Variants in PDE4B observed in about 807,000 individuals in gnomAD.
PDE4B encodes the protein phosphodiesterase 4B, also known as 3',5'-cyclic-AMP phosphodiesterase 4B.
Under a neutral mutation model 82.2 loss-of-function variants are expected in PDE4B, and 20 were observed. The observed-to-expected ratio is 0.24, with a 90% CI of 0.17 to 0.35. PDE4B has a LOEUF of 0.35. PDE4B is among the 10% of genes least tolerant of loss of function. PDE4B has a pLI of 1.00. For missense variants in PDE4B, 655 were observed against 907.2 expected (o/e 0.72, Z 3.57); for synonymous variants, 320 against 318.9 (o/e 1.00, Z -0.04).
At chr1:66,077,511 T>G (rs996641480) in intron 3 of PDE4B, among the ~76,000 whole-genome samples, 2 of 152,292 alleles carry the variant, frequency 1.3e-5, no homozygotes, top group African/African-American at 4.8e-5. Context: ...ACGTTTTACT[T>G]ACATTTATGA....
intron 3 of PDE4B, among the ~76,000 whole-genome samples, chr1:66,115,218 C>T (rs577080251): frequency 3.9e-5 from 6 of 152,138 alleles, no homozygotes; most frequent in Non-Finnish European, 8.8e-5. Flanking sequence ...CATTAATTTA[C>T]CTCAGAGCAA....
chr1:66,288,088 A>G (rs911833618), intron 7 of PDE4B, among the ~76,000 whole-genome samples: 2 of 152,090 alleles, frequency 1.3e-5, no homozygotes, highest in African/African-American at 4.8e-5. Context: ...GTTCTGTATG[A>G]TGGCCTACAG....
rs200925983 is a variant in PDE4B, at chr1:66,090,616, A to ATGTGTGTGT, written c.282-156844_282-156843insTGTGTGTGT. Among the ~76,000 whole-genome samples the ATGTGTGTGT allele has an allele frequency of 4.8e-4, 43 of 89,918 alleles. 1 individual carries two copies. The highest frequency in any genetic ancestry group is 1.2e-3 in the African/African-American group (26 of 21,924). 59.0% of individuals were successfully genotyped at this position (89,918 alleles called of 152,430 possible). A position where few individuals can be genotyped will look rare whatever the true frequency, so the allele number is the denominator to read the frequency against. On this transcript the variant is annotated intron_variant, in intron 3 of 16. Transcript: ENST00000341517. ...CAAAATTATATATATATATGTATAT[A>ATGTGTGTGT]ATATATGTGTGTGTGTGTGTGTGTA...
At chr1:65,875,963 T>G (rs917365531) in intron 1 of PDE4B, among the ~76,000 whole-genome samples, 2 of 150,664 alleles carry the variant, frequency 1.3e-5, no homozygotes, top group East Asian at 1.9e-4. Context: ...AAAAAAAAAA[T>G]GGGGAAAAAA....
chr1:66,358,691 A>C (rs185012908), intron 9 of PDE4B, among the ~76,000 whole-genome samples: 3,569 of 151,806 alleles, frequency 0.024, 141 homozygotes, highest in African/African-American at 0.075. Context: ...AAAAAAAAAA[A>C]AGTATTAACA....
intron 3 of PDE4B, among the ~76,000 whole-genome samples, chr1:65,991,345 T>C (rs1350207924): frequency 6.6e-6 from 1 of 152,086 alleles, no homozygotes; most frequent in Non-Finnish European, 1.5e-5. Context: ...CCTCCCAAAG[T>C]GTTGGGATTA....
intron 3 of PDE4B, among the ~76,000 whole-genome samples, chr1:66,164,978 G>T (rs1646700376): frequency 6.6e-6 from 1 of 151,658 alleles, no homozygotes; most frequent in South Asian, 2.1e-4. Context: ...AGCCAGGATG[G>T]TCTCGATCTC....
At position 65,913,975 on chromosome 1, in the gene PDE4B, A is replaced by C. The variant is rs540761886; in HGVS notation, c.42+619A>C. Among the ~76,000 whole-genome samples, 8 of 152,284 alleles carry C rather than the reference A, an allele frequency of 5.3e-5. 1 individual carries two copies. In the South Asian group the frequency reaches 1.7e-3, roughly 32 times the overall value. On this transcript the variant is annotated intron_variant, in intron 2 of 16. Transcript: ENST00000341517. ...ATCTAAATCATCTGAAGAAATCTGT[A>C]AACTATCTTCTATAGCTTTGGATCT...
At position 65,890,846 on chromosome 1, in the gene PDE4B, G is replaced by C. The variant is rs147034153; in HGVS notation, c.-70-22399G>C. On this transcript the variant is annotated intron_variant, in intron 1 of 16. Transcript: ENST00000341517. ...ACATATACACACACATACACACACA[G>C]ACACAACTGCAGAATGAACAACAAA... 9.7e-4 allele frequency among the ~76,000 whole-genome samples: 147 copies of C among 151,960 alleles called. 1 individual carries two copies. The highest frequency in any genetic ancestry group is 2.8e-3 in the African/African-American group (117 of 41,494).
At chr1:66,260,309 G>A (rs1030086813) in intron 6 of PDE4B, among the ~76,000 whole-genome samples, 1 of 152,312 alleles carries the variant, frequency 6.6e-6, no homozygotes, top group African/African-American at 2.4e-5. Flanking sequence ...TCACTGCAGT[G>A]CTCTTTTCAT....
At chr1:66,284,905 C>A (rs1432394002) in intron 7 of PDE4B, among the ~76,000 whole-genome samples, 2 of 152,104 alleles carry the variant, frequency 1.3e-5, no homozygotes, top group South Asian at 4.1e-4. Context: ...CAAAGCAGTG[C>A]TTCTTGGGAT....
chr1:65,906,617 T>C (rs2100438507), intron 1 of PDE4B, among the ~76,000 whole-genome samples: 1 of 152,276 alleles, frequency 6.6e-6, no homozygotes, highest in East Asian at 1.9e-4. Flanking sequence ...AGGCATTATT[T>C]ACACAAGCAG....
chr1:65,871,260 G>A (rs946779869), intron 1 of PDE4B, among the ~76,000 whole-genome samples: 8 of 149,356 alleles, frequency 5.4e-5, no homozygotes, highest in South Asian at 4.2e-4. Context: ...ACCTTGGAGT[G>A]CTAGAGCAGG....
chr1:66,280,841 G>A (rs1247350566), intron 7 of PDE4B, among the ~76,000 whole-genome samples: 1 of 152,020 alleles, frequency 6.6e-6, no homozygotes, highest in Non-Finnish European at 1.5e-5. Flanking sequence ...AATATTTTAG[G>A]CCTATTGAGT....
chr1:65,858,170 A>T (rs1646414117), intron 1 of PDE4B, among the ~76,000 whole-genome samples: 1 of 152,218 alleles, frequency 6.6e-6, no homozygotes, highest in Non-Finnish European at 1.5e-5. Flanking sequence ...ATTAATTTAA[A>T]TTCCAGGGCA....
intron 8 of PDE4B, among the ~76,000 whole-genome samples, chr1:66,344,128 A>G (rs953757854): frequency 6.6e-6 from 1 of 152,162 alleles, no homozygotes; most frequent in African/African-American, 2.4e-5. Context: ...TGTTATTGCT[A>G]TTGCTGGCTC....
At chr1:66,065,794 C>A (rs1655815075) in intron 3 of PDE4B, among the ~76,000 whole-genome samples, 1 of 151,752 alleles carries the variant, frequency 6.6e-6, no homozygotes, top group South Asian at 2.1e-4. Context: ...AGTGTTTTAT[C>A]TATTATTATA....
intron 3 of PDE4B, among the ~76,000 whole-genome samples, chr1:65,986,758 TAAC>T (rs1650972646): frequency 6.6e-6 from 1 of 152,210 alleles, no homozygotes; most frequent in Non-Finnish European, 1.5e-5. Flanking sequence ...AAACAGATGA[TAAC>T]AAAGTCGTTA....
chr1:66,125,770 CA>C (rs1645810551), intron 3 of PDE4B, among the ~76,000 whole-genome samples: 1 of 152,134 alleles, frequency 6.6e-6, no homozygotes, highest in South Asian at 2.1e-4. Context: ...ATTTGTTGAA[CA>C]TTAATTTTAA....
Sources: allele counts gnomAD v4.1 joint callset (sites outside exome capture counted in the v4.1 genomes callset), GRCh38; gene constraint gnomAD v4.1.1; transcripts MANE v1.5; gene names NCBI Gene and HGNC (gene_info 2026-07-23, HGNC 2026-07-21).